KLF17: variants seen among roughly 807,000 people sequenced by gnomAD.
KLF17 encodes KLF transcription factor 17.
A neutral mutation model predicts 34.2 loss-of-function variants in KLF17; 31 were observed. The ratio of observed to expected loss-of-function variants is 0.91; its 90% CI spans 0.68 to 1.22. The LOEUF (loss-of-function observed/expected upper bound fraction) is 1.22. KLF17 is among the 50% of genes most tolerant of loss of function. KLF17 has a pLI of 0.00. For missense variants in KLF17, 478 were observed against 505.2 expected, an observed-to-expected ratio of 0.95 and a Z score of 0.52; for synonymous variants, 179 against 186.7, an observed-to-expected ratio of 0.96 and a Z score of 0.34.
chr1:44,115,486 A>C (rs376547943), upstream of KLF17: 110 of 151,734 alleles, frequency 7.2e-4, 1 homozygote, highest in African/African-American at 2.4e-3. Flanking sequence ...AAACAAAAAA[A>C]AAACAAAAAC....
At chr1:44,114,501 C>A, upstream of KLF17, 1 of 152,116 alleles carries the variant, frequency 6.6e-6, no homozygotes, top group African/African-American at 2.4e-5. Context: ...GGGAGAGTGG[C>A]CTATAGTAGA....
the KLF17 span, among the ~76,000 whole-genome samples, chr1:44,050,627 G>A: frequency 3.9e-5 from 6 of 152,164 alleles, no homozygotes; most frequent in South Asian, 1.2e-3. Flanking sequence ...CAATAAAGCT[G>A]TTTTCTTGGC....
chr1:44,129,687 A>G lies in KLF17; in HGVS notation c.416A>G (p.Asn139Ser). The change falls in exon 2 of 4, where the codon AAT (asparagine) becomes AGT (serine). Residue 139 changes from asparagine (N) to serine (S), a missense_variant. Physicochemically the swap from Asn to Ser is conservative, Grantham distance 46. Coordinates refer to ENST00000372299, the MANE Select transcript of KLF17 (RefSeq NM_173484.4). ...GPQLMPVGEP[N>S]IPRVARPFGG... is the part of the protein sequence containing the mutation. ...CAACTAATGCCCGTAGGAGAGCCCA[A>G]TATTCCAAGGGTAGCCAGGCCCTTC... 1 of 1,614,160 alleles carries G rather than the reference A, an allele frequency of 6.2e-7. No individual in the cohort carries two copies. Among genetic ancestry groups the G allele is most frequent in the Non-Finnish European group, 8.5e-7 (1 of 1,180,024 alleles).
At chr1:44,111,542 A>C in the KLF17 span, among the ~76,000 whole-genome samples, 78 of 145,614 alleles carry the variant, frequency 5.4e-4, no homozygotes, top group Non-Finnish European at 7.7e-4. Context: ...GGAAAATTGC[A>C]AAAGTAGTAC....
At chr1:44,106,420 C>T in the KLF17 span, 1 of 152,350 alleles carries the variant, frequency 6.6e-6, no homozygotes, top group East Asian at 1.9e-4. Flanking sequence ...TATCTCCATC[C>T]TATCCCCACT....
the KLF17 span, among the ~76,000 whole-genome samples, chr1:44,053,410 C>G: frequency 6.6e-6 from 1 of 152,200 alleles, no homozygotes; most frequent in South Asian, 2.1e-4. Context: ...AGCTGTTCCC[C>G]CATGAGGCCT....
At chr1:44,080,881 A>G in the KLF17 span, among the ~76,000 whole-genome samples, 27,155 of 151,350 alleles carry the variant, frequency 0.18, 3,163 homozygotes, top group African/African-American at 0.32. Flanking sequence ...TGCGTGGCTA[A>G]TTTTTGTATT....
At chr1:44,087,767 TATACACACAC>T in the KLF17 span, among the ~76,000 whole-genome samples, 19 of 53,432 alleles carry the variant, frequency 3.6e-4, no homozygotes, top group East Asian at 7.7e-3. Flanking sequence ...TATATATATA[TATACACACAC>T]ACACACACAC....
At chr1:44,099,751 T>G in the KLF17 span, among the ~76,000 whole-genome samples, 4 of 129,246 alleles carry the variant, frequency 3.1e-5, no homozygotes, top group Non-Finnish European at 6.9e-5. Context: ...GTGGCGGAGG[T>G]TGTGGTTGAG....
the KLF17 span, chr1:44,106,993 G>A: frequency 6.6e-6 from 1 of 152,152 alleles, no homozygotes; most frequent in Non-Finnish European, 1.5e-5. Flanking sequence ...AGTTATCTCT[G>A]GTTTATCTGG....
the KLF17 span, among the ~76,000 whole-genome samples, chr1:44,080,917 G>C: frequency 4.6e-5 from 7 of 151,490 alleles, no homozygotes; most frequent in Admixed American, 2.0e-4. Context: ...GTTTTACCAT[G>C]TTGCCCAACC....
the KLF17 span, among the ~76,000 whole-genome samples, chr1:44,102,417 G>A: frequency 6.6e-6 from 1 of 151,964 alleles, no homozygotes; most frequent in Non-Finnish European, 1.5e-5. Context: ...ACCAGGTGTG[G>A]TGGTGGGCAC....
the KLF17 span, chr1:44,075,991 C>T: frequency 6.6e-6 from 1 of 152,170 alleles, no homozygotes; most frequent in Admixed American, 6.5e-5. Context: ...GTGGTTGCAC[C>T]AATTCTGTAT....
the KLF17 span, among the ~76,000 whole-genome samples, chr1:44,111,463 G>A: frequency 1.1e-5 from 1 of 90,476 alleles, no homozygotes; most frequent in South Asian, 4.0e-4. Flanking sequence ...TTTGCAACTT[G>A]TTTTTTTTTT....
upstream of KLF17, chr1:44,115,571 A>C (rs767031382): frequency 3.3e-5 from 5 of 152,052 alleles, no homozygotes; most frequent in Non-Finnish European, 5.9e-5. Flanking sequence ...TGTACATGAA[A>C]TATGTTACTG....
At chr1:44,109,919 T>C in the KLF17 span, among the ~76,000 whole-genome samples, 1 of 55,686 alleles carries the variant, frequency 1.8e-5, no homozygotes, top group Non-Finnish European at 3.9e-5. Context: ...TTTTTTTTTT[T>C]GCGGGGGGGA....
At chr1:44,055,530 C>T in the KLF17 span, among the ~76,000 whole-genome samples, 1 of 152,228 alleles carries the variant, frequency 6.6e-6, no homozygotes, top group African/African-American at 2.4e-5. Flanking sequence ...TTTCAAGTGC[C>T]TCATAAGAAG....
chr1:44,097,125 G>A, the KLF17 span, among the ~76,000 whole-genome samples: 279 of 152,280 alleles, frequency 1.8e-3, no homozygotes, highest in African/African-American at 6.3e-3. Context: ...TTGATCAGAT[G>A]ATTGTAGATG....
rs777399098 is a variant in KLF17 at position 44,118,997 on chromosome 1, G to A, written c.81+9G>A. 1 of 1,599,752 alleles carries A rather than the reference G, an allele frequency of 6.3e-7. No homozygotes were observed. The highest frequency in any genetic ancestry group is 8.5e-7 in the Non-Finnish European group (1 of 1,173,616). ...CGCACCAGGCTGCCCAGGTGAGTCA[G>A]GTGCCAGCCCCTGGCAGGCCGGGCG... is the stretch of plus-strand genomic sequence containing the variant. On this transcript the variant is annotated intron_variant, in intron 1 of 3. Coordinates refer to ENST00000372299, the MANE Select transcript of KLF17 (RefSeq NM_173484.4).
Sources: allele counts gnomAD v4.1 joint callset (sites outside exome capture counted in the v4.1 genomes callset), GRCh38; gene constraint gnomAD v4.1.1; transcripts MANE v1.5; gene names NCBI Gene and HGNC (gene_info 2026-07-23, HGNC 2026-07-21).